ZNF385D: variants seen among roughly 807,000 people sequenced by gnomAD.
ZNF385D encodes the protein zinc finger protein 385D, also known as zinc finger protein 659.
In ZNF385D, 15 loss-of-function variants were observed where a neutral mutation model predicts 35.8. The ratio of observed to expected loss-of-function variants is 0.42; its 90% confidence interval spans 0.28 to 0.64. The LOEUF (loss-of-function observed/expected upper bound fraction) is 0.64, where lower values mean the gene tolerates loss of function less well. Ranked by LOEUF, ZNF385D falls within the 30% of genes least tolerant of loss-of-function variation. The pLI is 0.23. For missense variants in ZNF385D, 474 were observed against 494.6 expected (o/e 0.96, Z 0.39); for synonymous variants, 212 against 186.8 (o/e 1.13, Z -1.10).
chr3:21,682,609 T>C (rs1391946802), intron 1 of ZNF385D, among the ~76,000 whole-genome samples: 1 of 150,180 alleles, frequency 6.7e-6, no homozygotes, highest in Non-Finnish European at 1.5e-5. Flanking sequence ...AATGAGCCTC[T>C]AAATCTCATA....
chr3:22,231,217 A>T (rs143500812), intron 2 of ZNF385D, among the ~76,000 whole-genome samples: 88 of 152,294 alleles, frequency 5.8e-4, no homozygotes, highest in African/African-American at 2.0e-3. Context: ...AGCATTACTC[A>T]TCCTGAGAAA....
At chr3:21,873,475 C>T (rs1281088268) in intron 3 of ZNF385D, among the ~76,000 whole-genome samples, 1 of 152,052 alleles carries the variant, frequency 6.6e-6, no homozygotes, top group East Asian at 1.9e-4. Context: ...TTTTCTCTTT[C>T]TTATTGTGGT....
At chr3:22,025,667 C>A (rs182507661) in intron 3 of ZNF385D, among the ~76,000 whole-genome samples, 3 of 152,012 alleles carry the variant, frequency 2.0e-5, no homozygotes, top group African/African-American at 4.8e-5. Flanking sequence ...CCACTGTGAG[C>A]GAGCTGGAAA....
chr3:21,863,897 C>G lies in ZNF385D; in HGVS notation c.326-198869G>C, dbSNP rs140453514. Among the ~76,000 whole-genome samples, 305 of 152,150 alleles carry G rather than the reference C, an allele frequency of 2.0e-3. 4 individuals carry two copies. The highest frequency in any genetic ancestry group is 7.1e-3 in the African/African-American group (293 of 41,524). On this transcript the variant is annotated intron_variant, in intron 3 of 5. Transcript: ENST00000494108. ...ATAATGAGTTTTTCAAACATTAATG[C>G]GCACATGAATCACCAGGAATCTTGT...
At chr3:21,901,222 CT>C (rs1213014859) in intron 3 of ZNF385D, among the ~76,000 whole-genome samples, 8 of 152,180 alleles carry the variant, frequency 5.3e-5, no homozygotes, top group African/African-American at 1.9e-4. Flanking sequence ...TGTGATCCCC[CT>C]GCCTCGGCAT....
intron 3 of ZNF385D, among the ~76,000 whole-genome samples, chr3:22,018,835 C>A (rs534865839): frequency 2.8e-4 from 43 of 152,004 alleles, no homozygotes; most frequent in Non-Finnish European, 4.4e-5. Flanking sequence ...AGCTATTTCA[C>A]AGAAATGGGT....
chr3:22,067,267 A>G (rs1470362539), intron 3 of ZNF385D, among the ~76,000 whole-genome samples: 3 of 152,204 alleles, frequency 2.0e-5, no homozygotes, highest in East Asian at 3.8e-4. Flanking sequence ...GCAACCTGTC[A>G]TCTCTGTAAA....
chr3:21,700,595 C>A (rs1253591726), intron 1 of ZNF385D, among the ~76,000 whole-genome samples: 1 of 152,130 alleles, frequency 6.6e-6, no homozygotes, highest in Non-Finnish European at 1.5e-5. Context: ...AGTTTTGTGA[C>A]CTTGTGATAT....
chr3:21,507,296 T>C (rs930537750), intron 4 of ZNF385D, among the ~76,000 whole-genome samples: 8 of 152,138 alleles, frequency 5.3e-5, no homozygotes, highest in African/African-American at 1.7e-4. Flanking sequence ...GGGGTTCTCA[T>C]TTACCAAAGT....
chr3:22,004,129 C>T (rs577373119), intron 3 of ZNF385D, among the ~76,000 whole-genome samples: 1 of 151,900 alleles, frequency 6.6e-6, no homozygotes, highest in South Asian at 2.1e-4. Context: ...AGAAGAGAAC[C>T]CAGAAATAAA....
chr3:22,083,818 AG>A (rs1700889171), intron 3 of ZNF385D, among the ~76,000 whole-genome samples: 1 of 152,218 alleles, frequency 6.6e-6, no homozygotes, highest in South Asian at 2.1e-4. Flanking sequence ...AAAAATGTTA[AG>A]GGCAGCCAGA....
chr3:21,425,208 C>G (rs1700963390), intron 6 of ZNF385D, among the ~76,000 whole-genome samples: 2 of 152,210 alleles, frequency 1.3e-5, no homozygotes, highest in African/African-American at 4.8e-5. Flanking sequence ...CCCTTCTCCA[C>G]CCACTCTTCG....
At chr3:22,022,493 T>C (rs999018375) in intron 3 of ZNF385D, among the ~76,000 whole-genome samples, 3 of 152,098 alleles carry the variant, frequency 2.0e-5, no homozygotes, top group African/African-American at 7.2e-5. Context: ...TACCACTCTA[T>C]GATCCTAGTT....
chr3:22,074,348 A>T (rs1188891365), intron 3 of ZNF385D, among the ~76,000 whole-genome samples: 1 of 152,026 alleles, frequency 6.6e-6, no homozygotes, highest in South Asian at 2.1e-4. Flanking sequence ...AATAGCTGTA[A>T]TTCTATCCTT....
At chr3:21,546,968 G>A (rs578105187) in intron 3 of ZNF385D, among the ~76,000 whole-genome samples, 9 of 152,184 alleles carry the variant, frequency 5.9e-5, no homozygotes, top group African/African-American at 1.9e-4. Context: ...CATACCCTGG[G>A]TATCTGATAG....
chr3:22,272,039 GATA>G (rs1183425707), intron 2 of ZNF385D, among the ~76,000 whole-genome samples: 1 of 151,910 alleles, frequency 6.6e-6, no homozygotes, highest in Non-Finnish European at 1.5e-5. Context: ...GATATTTTTG[GATA>G]ATGTGTTTTG....
chr3:21,897,991 CTT>C (rs1342722356), intron 3 of ZNF385D, among the ~76,000 whole-genome samples: 1 of 152,184 alleles, frequency 6.6e-6, no homozygotes, highest in East Asian at 1.9e-4. Context: ...TATTGTTCCT[CTT>C]TATCCACCTA....
At chr3:22,124,292 G>T (rs1307175049) in intron 3 of ZNF385D, among the ~76,000 whole-genome samples, 3 of 152,058 alleles carry the variant, frequency 2.0e-5, no homozygotes, top group Non-Finnish European at 4.4e-5. Flanking sequence ...GTACTTCATT[G>T]TGTATAAGTA....
intron 2 of ZNF385D, among the ~76,000 whole-genome samples, chr3:22,294,933 A>AT (rs1163020385): frequency 1.3e-5 from 2 of 152,004 alleles, no homozygotes; most frequent in African/African-American, 2.4e-5. Context: ...TTAGATATCT[A>AT]TTTTCCATTA....
Sources: allele counts gnomAD v4.1 joint callset (sites outside exome capture counted in the v4.1 genomes callset), GRCh38; gene constraint gnomAD v4.1.1; transcripts MANE v1.5; gene names NCBI Gene and HGNC (gene_info 2026-07-23, HGNC 2026-07-21).